Variants in SETMAR observed in about 807,000 individuals in gnomAD.
SETMAR encodes the protein histone-lysine N-methyltransferase SETMAR.
A neutral mutation model predicts 58.4 loss-of-function variants in SETMAR; 44 were observed. The observed-to-expected ratio is 0.75, with a 90% CI of 0.59 to 0.97. The LOEUF (loss-of-function observed/expected upper bound fraction) is 0.97, where lower values mean the gene tolerates loss of function less well. Ranked by LOEUF, SETMAR falls within the 50% of genes least tolerant of loss-of-function variation. The pLI, the probability that SETMAR is intolerant of heterozygous loss-of-function variation, is 0.00. For synonymous variants in SETMAR, 332 were observed against 307.4 expected (o/e 1.08, Z -0.84); for missense variants, 903 against 840.2 (o/e 1.07, Z -0.92).
At position 4,303,428 on chromosome 3, in the gene SETMAR, A is replaced by T; in HGVS notation, c.58A>T (p.Lys20Ter). 1 of 1,553,988 alleles carries T rather than the reference A, an allele frequency of 6.4e-7. No homozygotes were observed. Among genetic ancestry groups the T allele is most frequent in the Non-Finnish European group, 8.7e-7 (1 of 1,155,368 alleles). ...TTGTGGGATGGCGGAGTTTAAGGAG[A>T]AGCCTGAGGCCCCGACTGAGCAGCT... Reference protein sequence around the residue: ...RPCGMAEFKEKPEAPTEQLDV... With the variant: ...RPCGMAEFKE Residue 20 changes from lysine (K) to a stop codon, truncating the protein, a stop_gained, in exon 1 of 3, where the codon AAG becomes TAG. Transcript: ENST00000358065. LOFTEE classifies it high-confidence loss of function.
In SETMAR at chr3:4,317,062, A is replaced by G; in HGVS notation, c.1871A>G (p.Tyr624Cys). ...PYSPDLLPTN[Y>C]HVFKHLNNFL... is the part of the protein sequence containing the mutation. ...TCACCTGACCTCTTGCCAACCAACT[A>G]CCACGTCTTTAAGCATCTCAACAAC... The change falls in exon 3 of 3, where the codon TAC (tyrosine) becomes TGC (cysteine). Residue 624 changes from tyrosine to cysteine, a missense_variant. Tyr to Cys is a radical substitution (Grantham distance 194, BLOSUM62 -2). Coordinates refer to ENST00000358065, the MANE Select transcript of SETMAR (RefSeq NM_006515.4). The G allele has an allele frequency of 6.5e-6, 10 of 1,549,294 alleles. No homozygotes were observed. Among genetic ancestry groups the G allele is most frequent in the Non-Finnish European group, 7.0e-6 (8 of 1,146,664 alleles).
At chr3:4,303,926 GC>G in intron 1 of SETMAR, 1 of 1,177,692 alleles carries the variant, frequency 8.5e-7, no homozygotes, top group African/African-American at 1.6e-5. Flanking sequence ...CATAAAAACA[GC>G]CCCTCGAGTC....
intron 1 of SETMAR, among the ~76,000 whole-genome samples, chr3:4,309,214 G>A (rs1698310087): frequency 6.6e-6 from 1 of 152,162 alleles, no homozygotes; most frequent in African/African-American, 2.4e-5. Flanking sequence ...GATTGTAAAT[G>A]TTTTTTATCA....
At chr3:4,310,152 A>T (rs1472977894) in intron 1 of SETMAR, among the ~76,000 whole-genome samples, 1 of 152,206 alleles carries the variant, frequency 6.6e-6, no homozygotes, top group African/African-American at 2.4e-5. Flanking sequence ...TTGTATATGC[A>T]TATATGTGGT....
intron 1 of SETMAR, among the ~76,000 whole-genome samples, chr3:4,305,096 G>GT (rs896215929): frequency 4.0e-5 from 6 of 151,584 alleles, no homozygotes; most frequent in East Asian, 1.9e-4. Flanking sequence ...AAGATAAAGG[G>GT]TTTTTTTTTG....
chr3:4,305,237 A>C lies in SETMAR; in HGVS notation c.156+1711A>C, dbSNP rs543888560. Among the ~76,000 whole-genome samples, 70 of 152,162 alleles carry C rather than the reference A, an allele frequency of 4.6e-4. 1 individual carries two copies. Among genetic ancestry groups the C allele is most frequent in the South Asian group, 2.5e-3 (12 of 4,804 alleles). ...AGTAGCTGGAATTACAGGCGCCTAC[A>C]ACCACGCCCAGCTGATTTTTGTATT... On this transcript the variant is annotated intron_variant, in intron 1 of 2. Coordinates refer to ENST00000358065, the MANE Select transcript of SETMAR (RefSeq NM_006515.4).
intron 1 of SETMAR, 123 bp from the exon 2 acceptor site, chr3:4,312,775 T>C (rs1698461200): frequency 1.6e-5 from 19 of 1,154,694 alleles, no homozygotes; most frequent in Non-Finnish European, 2.3e-5. Flanking sequence ...TGCTGTGTTT[T>C]GACAGTTTTG....
At position 4,316,406 on chromosome 3, in the gene SETMAR, T is replaced by C; in HGVS notation, c.1215T>C (p.Arg405=). ...KGDESLEDEE[R]SGRPSEVDND... ...ATGAGAGCCTTGAAGATGAGGAGCG[T>C]AGTGGCCGGCCATCAGAAGTTGACA... The change falls in exon 3 of 3, where the codon CGT becomes CGC. Residue 405 remains arginine (R), a synonymous_variant. Transcript: ENST00000358065. 4 of 1,577,870 alleles carry C rather than the reference T, an allele frequency of 2.5e-6. No homozygotes were observed. The highest frequency in any genetic ancestry group is 3.4e-6 in the Non-Finnish European group (4 of 1,161,846).
Position 4,312,898 on chromosome 3 carries a change from T to C in SETMAR, c.157T>C (p.Tyr53His), listed in dbSNP as rs1205250682. 6.2e-7 allele frequency: 1 copy of C among 1,608,336 alleles called. No homozygotes were observed. Among genetic ancestry groups the C allele is most frequent in the South Asian group, 1.1e-5 (1 of 89,938 alleles). Reference sequence around the variant, plus strand: ...CTTACAGTGTGTATATTTTTTACAGTACACTCCTGATCATGTAGTTGGACC... The same window carrying C: ...CTTACAGTGTGTATATTTTTTACAGCACACTCCTGATCATGTAGTTGGACC... Reference protein sequence around the residue: ...PPGAAPAPFQYTPDHVVGPGA... With the variant: ...PPGAAPAPFQHTPDHVVGPGA... Residue 53 changes from tyrosine to histidine, a missense_variant and splice_region_variant, in exon 2 of 3, where the codon TAC becomes CAC. Coordinates refer to ENST00000358065, the MANE Select transcript of SETMAR (RefSeq NM_006515.4).
chr3:4,316,840 C>G lies in SETMAR; in HGVS notation c.1649C>G (p.Pro550Arg), dbSNP rs1160727787. 5 of 1,549,972 alleles carry G rather than the reference C, an allele frequency of 3.2e-6. No individual in the cohort carries two copies. The South Asian group carries it at 6.0e-5, about 18-fold the overall frequency. Residue 550 changes from proline to arginine, a missense_variant, in exon 3 of 3, where the codon CCC (proline) becomes CGC (arginine). Pro to Arg is a moderately radical substitution (Grantham distance 103, BLOSUM62 -2). Coordinates refer to ENST00000358065, the MANE Select transcript of SETMAR (RefSeq NM_006515.4). Reference sequence around the variant, plus strand: ...CTGATCCACTACAGCTTTCTGAATCCCGGTGAAACCATTACATCTGAGAAG... The same window carrying G: ...CTGATCCACTACAGCTTTCTGAATCGCGGTGAAACCATTACATCTGAGAAG... ...AGLIHYSFLN[P>R]GETITSEKYA...
At chr3:4,310,985 G>A (rs186657636) in intron 1 of SETMAR, among the ~76,000 whole-genome samples, 12 of 152,318 alleles carry the variant, frequency 7.9e-5, no homozygotes, top group East Asian at 3.9e-4. Context: ...AACAGCAGTC[G>A]TTGAGTTTGA....
intron 1 of SETMAR, among the ~76,000 whole-genome samples, chr3:4,310,658 C>A (rs1403267426): frequency 6.6e-6 from 1 of 152,172 alleles, no homozygotes; most frequent in Non-Finnish European, 1.5e-5. Context: ...AAAAATATAT[C>A]ATGAGATTCT....
intron 1 of SETMAR, chr3:4,303,866 C>T (rs1698063340): frequency 1.5e-6 from 2 of 1,304,526 alleles, no homozygotes; most frequent in Non-Finnish European, 2.0e-6. Context: ...GTGTCTCTCA[C>T]AGGTAGGATA....
intron 1 of SETMAR, among the ~76,000 whole-genome samples, chr3:4,309,688 G>A (rs542021099): frequency 3.9e-5 from 6 of 152,194 alleles, no homozygotes; most frequent in Non-Finnish European, 5.9e-5. Context: ...CCTCATCTAC[G>A]TGGCAGAACT....
intron 1 of SETMAR, 100 bp downstream of exon 1, chr3:4,303,626 T>C: frequency 7.2e-7 from 1 of 1,390,882 alleles, no homozygotes; most frequent in Non-Finnish European, 9.3e-7. Flanking sequence ...CGCGACCTTT[T>C]GTCTTCTCTT....
chr3:4,316,051 A>G (rs1378415042), intron 2 of SETMAR, among the ~76,000 whole-genome samples, 161 bp from the exon 3 acceptor site: 11 of 151,062 alleles, frequency 7.3e-5, no homozygotes, highest in Admixed American at 3.3e-4. Context: ...TGTCTCAAAA[A>G]AAAAAAAAAA....
rs1335398510 is a variant in SETMAR at position 4,316,852 on chromosome 3, T to C, written c.1661T>C (p.Ile554Thr). ...AGCTTTCTGAATCCCGGTGAAACCA[T>C]TACATCTGAGAAGTATGCTCAGGAA... ...HYSFLNPGET[I>T]TSEKYAQEID... Residue 554 changes from isoleucine (I) to threonine (T), a missense_variant, in exon 3 of 3, where the codon ATT becomes ACT. Physicochemically the swap from Ile to Thr is moderately conservative, Grantham distance 89 (BLOSUM62 -1). Coordinates refer to ENST00000358065, the MANE Select transcript of SETMAR (RefSeq NM_006515.4). 1 of 1,549,916 alleles carries C rather than the reference T, an allele frequency of 6.5e-7. No homozygotes were observed. The highest frequency in any genetic ancestry group is 1.2e-5 in the South Asian group (1 of 83,988).
chr3:4,312,341 T>C (rs1423983846), intron 1 of SETMAR, among the ~76,000 whole-genome samples: 1 of 152,112 alleles, frequency 6.6e-6, no homozygotes, highest in Admixed American at 6.5e-5. Flanking sequence ...TTTTCTGACA[T>C]CCAAAGATAA....
chr3:4,306,042 A>G (rs575590234), intron 1 of SETMAR, among the ~76,000 whole-genome samples: 1 of 151,810 alleles, frequency 6.6e-6, no homozygotes, highest in African/African-American at 2.4e-5. Flanking sequence ...AATATATGCA[A>G]GGTGGTGGGT....
Sources: gnomAD v4.1 joint callset for allele counts (sites outside exome capture counted in the v4.1 genomes callset) on GRCh38, gnomAD v4.1.1 for gene constraint, MANE v1.5 for transcripts, NCBI Gene and HGNC (gene_info 2026-07-23, HGNC 2026-07-21) for gene names.